EEF2K: variants seen among roughly 807,000 people sequenced by gnomAD.
The protein encoded by EEF2K is eukaryotic elongation factor 2 kinase, also known as alternative protein EEF2K.
Under a neutral mutation model 93.8 loss-of-function variants are expected in EEF2K, and 70 were observed. That is an observed-to-expected ratio of 0.75 (90% CI 0.62 to 0.91). EEF2K has a LOEUF of 0.91. EEF2K is among the 40% of genes least tolerant of loss of function. The pLI, the probability that EEF2K is intolerant of heterozygous loss-of-function variation, is 0.00. For synonymous variants in EEF2K, 376 were observed against 380.8 expected (o/e 0.99, Z 0.15); for missense variants, 935 against 972.9 (o/e 0.96, Z 0.52).
At chr16:22,231,768 G>C (rs1189122474) in intron 2 of EEF2K, among the ~76,000 whole-genome samples, 2 of 151,674 alleles carry the variant, frequency 1.3e-5, no homozygotes, top group African/African-American at 4.8e-5. Flanking sequence ...GGGGCAGGTG[G>C]ATCACGAGGT....
chr16:22,268,797 A>G (rs1018966922), intron 15 of EEF2K, among the ~76,000 whole-genome samples: 11 of 151,952 alleles, frequency 7.2e-5, no homozygotes, highest in Admixed American at 7.2e-4. Flanking sequence ...CTCTACCAAA[A>G]ATATAACAAA....
intron 1 of EEF2K, among the ~76,000 whole-genome samples, chr16:22,214,860 C>T (rs77732156): frequency 6.6e-6 from 1 of 152,036 alleles, no homozygotes; most frequent in Admixed American, 6.6e-5. Flanking sequence ...AACACACGAA[C>T]AAAACAAGGA....
intron 2 of EEF2K, among the ~76,000 whole-genome samples, chr16:22,236,934 CTTTTTTTTTTT>C (rs71151665): frequency 1.4e-4 from 8 of 56,222 alleles, no homozygotes; most frequent in Admixed American, 3.0e-4. Context: ...CCACAGACCT[CTTTTTTTTTTT>C]TTTTTTTTTT....
intron 1 of EEF2K, among the ~76,000 whole-genome samples, chr16:22,220,311 G>A (rs535253905): frequency 3.9e-5 from 6 of 152,372 alleles, no homozygotes; most frequent in Admixed American, 2.0e-4. Flanking sequence ...CGAGGAGAAC[G>A]TCAGGTCTGT....
rs1598200395 is a variant in EEF2K, at chr16:22,266,581, C to T, written c.1575+57C>T. 4 of 1,604,494 alleles carry T rather than the reference C, an allele frequency of 2.5e-6. No homozygotes were observed. In the East Asian group the frequency reaches 8.9e-5, roughly 36 times the overall value. Reference sequence around the variant, plus strand: ...TGCACTAACCTGGAGCCCCCCAGCTCCAGCCTCTCCTCCGCTAATCACTTC... The same window carrying T: ...TGCACTAACCTGGAGCCCCCCAGCTTCAGCCTCTCCTCCGCTAATCACTTC... On this transcript the variant is annotated intron_variant, in intron 14 of 17. Coordinates refer to ENST00000263026, the MANE Select transcript of EEF2K (RefSeq NM_013302.5).
intron 17 of EEF2K, among the ~76,000 whole-genome samples, chr16:22,280,874 G>T (rs1325797842): frequency 2.0e-5 from 3 of 151,958 alleles, no homozygotes; most frequent in African/African-American, 4.8e-5. Context: ...TGTTGGCCAG[G>T]CTGGTCTCGA....
Position 22,284,432 on chromosome 16 carries a change from C to T in EEF2K, c.*436C>T, listed in dbSNP as rs1396787683. The T allele has an allele frequency of 1.8e-5, 3 of 165,446 alleles. No homozygotes were observed. Among genetic ancestry groups the T allele is most frequent in the African/African-American group, 7.2e-5 (3 of 41,654 alleles). 10.2% of individuals were successfully genotyped at this position (165,446 alleles called of 1,614,324 possible). On this transcript the variant is annotated 3_prime_UTR_variant, in exon 18 of 18. Transcript: ENST00000263026. Reference sequence around the variant, plus strand: ...AGTAGCTGGGATTACTGGTGCACACCACCACACTCAGCTAATTTTTGCATT... The same window carrying T: ...AGTAGCTGGGATTACTGGTGCACACTACCACACTCAGCTAATTTTTGCATT...
At chr16:22,257,217 CTCTTGACATCTCGTT>C (rs1419881248) in intron 7 of EEF2K, 21 bp from the exon 8 acceptor site, 2 of 1,613,934 alleles carry the variant, frequency 1.2e-6, no homozygotes, top group African/African-American at 2.7e-5. Flanking sequence ...CTCAGCCTGT[CTCTTGACATCTCGTT>C]TTCCTTCCTG....
chr16:22,263,673 G>T (rs1187716177), intron 12 of EEF2K, among the ~76,000 whole-genome samples: 1 of 152,234 alleles, frequency 6.6e-6, no homozygotes, highest in Admixed American at 6.5e-5. Flanking sequence ...ACAGGATCAT[G>T]TGGACCAGTA....
intron 1 of EEF2K, among the ~76,000 whole-genome samples, chr16:22,212,562 C>A (rs1401430819): frequency 2.9e-4 from 44 of 152,046 alleles, no homozygotes; most frequent in Non-Finnish European, 4.4e-5. Context: ...CCTCGTGATC[C>A]GCCTGCCTCG....
At chr16:22,260,350 TAA>T (rs35233038) in intron 10 of EEF2K, 110 bp from the exon 11 acceptor site, 7,274 of 849,186 alleles carry the variant, frequency 8.6e-3, no homozygotes, top group African/African-American at 0.016. Context: ...CTTTAAAGCT[TAA>T]AAAAAAAAAA....
chr16:22,232,467 C>CT (rs2047125733), intron 2 of EEF2K, among the ~76,000 whole-genome samples: 1 of 152,136 alleles, frequency 6.6e-6, no homozygotes, highest in Admixed American at 6.6e-5. Context: ...TGGCCTCAAG[C>CT]AGTCCTCCTG....
At chr16:22,245,554 G>A (rs1226019836) in intron 3 of EEF2K, among the ~76,000 whole-genome samples, 3 of 151,972 alleles carry the variant, frequency 2.0e-5, no homozygotes, top group African/African-American at 4.8e-5. Context: ...AGTCTGCCCC[G>A]GCTGAGAGGT....
chr16:22,213,478 A>G (rs542597531), intron 1 of EEF2K, among the ~76,000 whole-genome samples: 2 of 152,208 alleles, frequency 1.3e-5, no homozygotes, highest in East Asian at 1.9e-4. Flanking sequence ...GTCTCTAGAC[A>G]TTGCCAAATG....
intron 12 of EEF2K, among the ~76,000 whole-genome samples, chr16:22,264,594 G>A (rs1221004880): frequency 2.0e-5 from 3 of 152,332 alleles, no homozygotes; most frequent in Non-Finnish European, 2.9e-5. Flanking sequence ...CAGCAAGGCT[G>A]TGACTGCACC....
intron 3 of EEF2K, among the ~76,000 whole-genome samples, chr16:22,247,285 CAA>C (rs575381523): frequency 1.4e-5 from 2 of 142,820 alleles, no homozygotes; most frequent in Non-Finnish European, 1.5e-5. Flanking sequence ...TACAAAAATA[CAA>C]AAAAAAAAAT....
At chr16:22,269,000 C>G (rs1257714074) in intron 15 of EEF2K, among the ~76,000 whole-genome samples, 2 of 152,012 alleles carry the variant, frequency 1.3e-5, no homozygotes, top group Non-Finnish European at 2.9e-5. Context: ...TTCCACCTTC[C>G]CCACATCCTC....
chr16:22,217,311 G>C (rs1332184411), intron 1 of EEF2K, among the ~76,000 whole-genome samples: 1 of 151,988 alleles, frequency 6.6e-6, no homozygotes, highest in East Asian at 1.9e-4. Flanking sequence ...AAGTAGGGCT[G>C]CCCGTGCAAA....
At chr16:22,211,625 G>T (rs779823194) in intron 1 of EEF2K, among the ~76,000 whole-genome samples, 1 of 151,898 alleles carries the variant, frequency 6.6e-6, no homozygotes, top group South Asian at 2.1e-4. Context: ...ACCACACCTG[G>T]CTAATTTTTG....
Sources: gnomAD v4.1 joint callset for allele counts (sites outside exome capture counted in the v4.1 genomes callset) on GRCh38, gnomAD v4.1.1 for gene constraint, MANE v1.5 for transcripts, NCBI Gene and HGNC (gene_info 2026-07-23, HGNC 2026-07-21) for gene names.